Variants in DNAH7 observed in about 807,000 individuals in gnomAD.
DNAH7 encodes the protein axonemal beta dynein heavy chain 7.
In DNAH7, 397 loss-of-function variants were observed where a neutral mutation model predicts 444.6. The ratio of observed to expected loss-of-function variants is 0.89; its 90% CI spans 0.82 to 0.97. DNAH7 has a LOEUF of 0.97. Ranked by LOEUF, DNAH7 falls within the 50% of genes least tolerant of loss-of-function variation. DNAH7 has a pLI of 0.00. For missense variants in DNAH7, 4,902 were observed against 4,800.8 expected, an observed-to-expected ratio of 1.02 and a Z score of -0.62; for synonymous variants, 1,636 against 1,624.4, an observed-to-expected ratio of 1.01 and a Z score of -0.17.
chr2:195,819,290 G>T (rs1211104698), intron 49 of DNAH7, among the ~76,000 whole-genome samples: 1 of 152,130 alleles, frequency 6.6e-6, no homozygotes, highest in Non-Finnish European at 1.5e-5. Flanking sequence ...GCAATCATGG[G>T]CATATATACC....
chr2:195,835,064 A>G (rs1329190953), intron 47 of DNAH7, among the ~76,000 whole-genome samples: 2 of 152,210 alleles, frequency 1.3e-5, no homozygotes, highest in Non-Finnish European at 2.9e-5. Context: ...TCTAGGGTGT[A>G]GTGAACAGAT....
At chr2:196,025,704 T>C (rs1695638922) in intron 7 of DNAH7, among the ~76,000 whole-genome samples, 2 of 152,190 alleles carry the variant, frequency 1.3e-5, no homozygotes, top group South Asian at 4.1e-4. Context: ...TTACTTTGCT[T>C]TATATTTAGT....
intron 53 of DNAH7, 108 bp downstream of exon 53, chr2:195,808,574 T>C: frequency 7.5e-7 from 1 of 1,326,840 alleles, no homozygotes; most frequent in African/African-American, 1.5e-5. Flanking sequence ...CATTCTAACA[T>C]GTGACCAGTT....
At chr2:195,949,379 G>A (rs1276116742) in intron 19 of DNAH7, among the ~76,000 whole-genome samples, 1 of 152,098 alleles carries the variant, frequency 6.6e-6, no homozygotes, top group Non-Finnish European at 1.5e-5. Flanking sequence ...TGCCTCCCGA[G>A]TTCAAGCAAT....
intron 5 of DNAH7, among the ~76,000 whole-genome samples, chr2:196,046,318 T>C (rs1436093105): frequency 6.6e-6 from 1 of 152,026 alleles, no homozygotes; most frequent in East Asian, 1.9e-4. Context: ...TGAAATCCTG[T>C]ATAAAGCTGA....
intron 10 of DNAH7, among the ~76,000 whole-genome samples, chr2:196,002,230 G>C (rs1255929842): frequency 6.6e-6 from 1 of 152,152 alleles, no homozygotes; most frequent in African/African-American, 2.4e-5. Context: ...AAGTTAAAAT[G>C]TGAATAACTG....
At chr2:195,848,980 G>A (rs1172767076) in intron 46 of DNAH7, among the ~76,000 whole-genome samples, 4 of 152,138 alleles carry the variant, frequency 2.6e-5, no homozygotes, top group Non-Finnish European at 5.9e-5. Flanking sequence ...CTGTTAAATT[G>A]CTCTTTTCCC....
chr2:195,881,249 G>A (rs961589526), intron 36 of DNAH7, among the ~76,000 whole-genome samples: 1 of 152,272 alleles, frequency 6.6e-6, no homozygotes. Context: ...GGTACTGTGG[G>A]AGAATGTGAA....
At chr2:196,019,642 C>G (rs1695248980) in intron 8 of DNAH7, among the ~76,000 whole-genome samples, 1 of 152,156 alleles carries the variant, frequency 6.6e-6, no homozygotes. Context: ...AGATTCTCTA[C>G]TAATTTCAGG....
chr2:195,883,379 C>T (rs1339035034), intron 35 of DNAH7, among the ~76,000 whole-genome samples: 1 of 151,696 alleles, frequency 6.6e-6, no homozygotes, highest in East Asian at 1.9e-4. Context: ...ACCTGGGAGG[C>T]GGAGCTTGCA....
At chr2:195,849,644 C>A (rs551359222) in intron 46 of DNAH7, among the ~76,000 whole-genome samples, 34 of 152,144 alleles carry the variant, frequency 2.2e-4, no homozygotes, top group African/African-American at 8.2e-4. Context: ...CTCTGTCACC[C>A]AGGCTGGAGT....
At chr2:195,741,530 CTGAT>C (rs1693031809) in intron 63 of DNAH7, among the ~76,000 whole-genome samples, 1 of 152,180 alleles carries the variant, frequency 6.6e-6, no homozygotes, top group South Asian at 2.1e-4. Flanking sequence ...GCAGGTAAAA[CTGAT>C]TGTAACAGTA....
rs748876221 is a variant in DNAH7 at position 195,922,204 on chromosome 2, T to C, written c.3826-7A>G. The C allele has an allele frequency of 6.7e-7, 1 of 1,495,578 alleles. No individual in the cohort carries two copies. The highest frequency in any genetic ancestry group is 1.1e-5 in the South Asian group (1 of 87,692). 92.6% of individuals were successfully genotyped at this position (1,495,578 alleles called of 1,614,324 possible). ...TTGTTTCTAAATGATTTTCCTAGGA[T>C]AAATCAAATAAAATGAAGTTAAACA... On this transcript the variant is annotated splice_region_variant and splice_polypyrimidine_tract_variant and intron_variant, in intron 23 of 64. Coordinates refer to ENST00000312428, the MANE Select transcript of DNAH7 (RefSeq NM_018897.3).
intron 24 of DNAH7, among the ~76,000 whole-genome samples, chr2:195,919,423 C>A (rs1687887600): frequency 6.6e-6 from 1 of 152,074 alleles, no homozygotes; most frequent in Non-Finnish European, 1.5e-5. Flanking sequence ...CGGCTCACTG[C>A]AGCCTCCACC....
chr2:195,821,385 G>A (rs1014500234), intron 49 of DNAH7, among the ~76,000 whole-genome samples: 7 of 151,978 alleles, frequency 4.6e-5, no homozygotes, highest in African/African-American at 1.7e-4. Context: ...TTTCCTGGTG[G>A]GCAGGTCTTT....
intron 48 of DNAH7, among the ~76,000 whole-genome samples, chr2:195,824,705 T>C (rs1041238393): frequency 6.6e-6 from 1 of 152,156 alleles, no homozygotes; most frequent in East Asian, 1.9e-4. Context: ...GCTGGGTGCA[T>C]GCTGCCTGGC....
At chr2:195,779,515 G>A (rs1190939946) in intron 58 of DNAH7, among the ~76,000 whole-genome samples, 2 of 151,950 alleles carry the variant, frequency 1.3e-5, no homozygotes, top group East Asian at 3.9e-4. Context: ...GAACAATAGT[G>A]AGGTCCACAA....
chr2:195,924,843 A>G (rs755730171), intron 22 of DNAH7, among the ~76,000 whole-genome samples: 1 of 152,214 alleles, frequency 6.6e-6, no homozygotes, highest in Non-Finnish European at 1.5e-5. Flanking sequence ...TGGCAGGTAA[A>G]TCTAATGAGT....
intron 8 of DNAH7, among the ~76,000 whole-genome samples, chr2:196,021,357 G>A (rs754809123): frequency 9.9e-5 from 15 of 152,164 alleles, no homozygotes; most frequent in Non-Finnish European, 2.1e-4. Flanking sequence ...ACAATTAGTT[G>A]TATAGAGGCT....
Sources: gnomAD v4.1 joint callset for allele counts (sites outside exome capture counted in the v4.1 genomes callset) on GRCh38, gnomAD v4.1.1 for gene constraint, MANE v1.5 for transcripts, NCBI Gene and HGNC (gene_info 2026-07-23, HGNC 2026-07-21) for gene names.